PHF21B: variants seen among roughly 807,000 people sequenced by gnomAD.
PHF21B encodes PHD finger protein 4.
Under a neutral mutation model 62.2 loss-of-function variants are expected in PHF21B, and 22 were observed. The observed-to-expected ratio is 0.35, with a 90% confidence interval of 0.25 to 0.51. The LOEUF (loss-of-function observed/expected upper bound fraction) is 0.51. PHF21B is among the 20% of genes least tolerant of loss of function. The pLI, the probability that PHF21B is intolerant of heterozygous loss-of-function variation, is 0.97. For synonymous variants in PHF21B, 341 were observed against 314.7 expected (o/e 1.08, Z -0.88); for missense variants, 701 against 707.9 (o/e 0.99, Z 0.11).
chr22:44,976,534 A>C (rs748706965), intron 2 of PHF21B, among the ~76,000 whole-genome samples: 35 of 152,228 alleles, frequency 2.3e-4, no homozygotes, highest in Non-Finnish European at 4.4e-4. Flanking sequence ...TTCACATTTC[A>C]CAATTTACAC....
chr22:44,981,935 G>A (rs980445978), intron 2 of PHF21B, among the ~76,000 whole-genome samples: 2 of 152,250 alleles, frequency 1.3e-5, no homozygotes, highest in Admixed American at 6.5e-5. Flanking sequence ...CCCCACTGCT[G>A]AGAAAGGGGC....
intron 2 of PHF21B, among the ~76,000 whole-genome samples, chr22:44,984,492 G>C (rs2072912761): frequency 6.6e-6 from 1 of 152,210 alleles, no homozygotes; most frequent in South Asian, 2.1e-4. Context: ...GGTATGGGGA[G>C]GCACCAGGCT....
chr22:44,973,032 G>A (rs1026954872), intron 2 of PHF21B, among the ~76,000 whole-genome samples: 12 of 152,190 alleles, frequency 7.9e-5, no homozygotes, highest in Non-Finnish European at 1.3e-4. Context: ...CTCCCACTCC[G>A]GGCTCTGATG....
intron 12 of PHF21B, among the ~76,000 whole-genome samples, chr22:44,884,056 TCACCAC>T (rs1307418264): frequency 1.0e-5 from 1 of 96,208 alleles, no homozygotes; most frequent in Non-Finnish European, 2.4e-5. Context: ...ACCACCACCA[TCACCAC>T]CACCATGATC....
intron 2 of PHF21B, among the ~76,000 whole-genome samples, chr22:44,990,875 AT>A (rs1237897004): frequency 9.2e-5 from 14 of 152,250 alleles, no homozygotes; most frequent in African/African-American, 3.4e-4. Context: ...ATGTTATTTA[AT>A]AAAGCCAGGA....
intron 11 of PHF21B, 80 bp from the exon 12 acceptor site, chr22:44,885,609 G>T: frequency 7.3e-7 from 1 of 1,373,604 alleles, no homozygotes; most frequent in Non-Finnish European, 9.9e-7. Context: ...AGAGGCAGAA[G>T]GGATGAAACC....
intron 2 of PHF21B, among the ~76,000 whole-genome samples, chr22:44,960,002 C>T (rs1014311316): frequency 1.1e-4 from 16 of 152,220 alleles, no homozygotes; most frequent in African/African-American, 3.9e-4. Flanking sequence ...AGAGCGGGCC[C>T]TCCGCTGTGT....
intron 2 of PHF21B, among the ~76,000 whole-genome samples, chr22:44,959,135 T>G (rs998471723): frequency 6.6e-5 from 10 of 152,286 alleles, no homozygotes; most frequent in Admixed American, 3.9e-4. Context: ...TCTGTTTTGG[T>G]CTCTTCCTTG....
chr22:44,986,230 CCATCATTAT>C (rs1489798795), intron 2 of PHF21B, among the ~76,000 whole-genome samples: 1 of 151,418 alleles, frequency 6.6e-6, no homozygotes. Context: ...ACCATTATCA[CCATCATTAT>C]GACAACCATC....
chr22:44,912,989 T>G (rs1162009482), intron 5 of PHF21B, among the ~76,000 whole-genome samples: 2 of 151,706 alleles, frequency 1.3e-5, no homozygotes, highest in Non-Finnish European at 2.9e-5. Context: ...GGTGTTGGCC[T>G]AGGATGCCGA....
At chr22:44,939,950 C>G (rs1027483265) in intron 2 of PHF21B, among the ~76,000 whole-genome samples, 1 of 152,048 alleles carries the variant, frequency 6.6e-6, no homozygotes, top group Admixed American at 6.6e-5. Context: ...AGTGATGTAT[C>G]TATCAAAAAC....
chr22:44,902,230 C>A (rs1308043737), intron 5 of PHF21B: 1 of 200,562 alleles, frequency 5.0e-6, no homozygotes, highest in South Asian at 8.9e-5. Context: ...AGCTGCAGAA[C>A]CCCAGACACC....
intron 2 of PHF21B, among the ~76,000 whole-genome samples, chr22:44,987,437 C>T (rs1223621379): frequency 6.6e-6 from 1 of 152,148 alleles, no homozygotes; most frequent in Non-Finnish European, 1.5e-5. Flanking sequence ...TTCACACTTC[C>T]AGGTCTACAA....
chr22:44,995,893 T>C (rs968549046), intron 2 of PHF21B, among the ~76,000 whole-genome samples: 4 of 149,354 alleles, frequency 2.7e-5, no homozygotes, highest in Non-Finnish European at 1.5e-5. Flanking sequence ...CCCCAGACGA[T>C]GCAGAGGAAG....
In PHF21B at chr22:44,997,365, T is replaced by C. The variant is rs150079905; in HGVS notation, c.120+11180A>G. On this transcript the variant is annotated intron_variant, in intron 2 of 12. Transcript: ENST00000313237. ...CTCAGTCCACGATGGCCCCAGTAAC[T>C]GTTCTGTCACCTCTCCTTCCAAGCT... 2.4e-4 allele frequency among the ~76,000 whole-genome samples: 37 copies of C among 152,288 alleles called. 1 individual carries two copies. The highest frequency in any genetic ancestry group is 8.7e-4 in the African/African-American group (36 of 41,574).
intron 2 of PHF21B, among the ~76,000 whole-genome samples, chr22:44,948,686 G>T (rs1341312100): frequency 2.8e-5 from 4 of 141,350 alleles, no homozygotes; most frequent in Admixed American, 7.0e-5. Flanking sequence ...GTGAGACTCT[G>T]TCTGGAAAAA....
chr22:44,982,681 C>G (rs1243817568), intron 2 of PHF21B, among the ~76,000 whole-genome samples: 1 of 152,166 alleles, frequency 6.6e-6, no homozygotes, highest in Admixed American at 6.5e-5. Context: ...TAATTTCAGA[C>G]TTTGTGTGTT....
At chr22:44,909,049 T>C (rs5765084) in intron 5 of PHF21B, among the ~76,000 whole-genome samples, 46,883 of 151,820 alleles carry the variant, frequency 0.31, 7,750 homozygotes, top group East Asian at 0.63. Context: ...CCGCCCACCT[T>C]GGCCTCCCAA....
At chr22:44,904,439 A>G (rs2071214261) in intron 5 of PHF21B, among the ~76,000 whole-genome samples, 1 of 152,138 alleles carries the variant, frequency 6.6e-6, no homozygotes, top group South Asian at 2.1e-4. Context: ...GGGTGATAAA[A>G]CCCTTAGTCT....
Sources: gnomAD v4.1 joint callset for allele counts (sites outside exome capture counted in the v4.1 genomes callset) on GRCh38, gnomAD v4.1.1 for gene constraint, MANE v1.5 for transcripts, NCBI Gene and HGNC (gene_info 2026-07-23, HGNC 2026-07-21) for gene names.